The following RGS6 variants were observed in gnomAD, a reference collection of about 807,000 sequenced individuals.
The protein encoded by RGS6 is regulator of G protein signaling 6.
Under a neutral mutation model 78.5 loss-of-function variants are expected in RGS6, and 30 were observed. The ratio of observed to expected loss-of-function variants is 0.38; its 90% CI spans 0.29 to 0.52. The LOEUF is 0.52. Ranked by LOEUF, RGS6 falls within the 20% of genes least tolerant of loss-of-function variation. The probability of loss-of-function intolerance (pLI) is 0.85; values close to 1 mark genes in which losing one functional copy is unlikely to be tolerated. For synonymous variants in RGS6, 206 were observed against 206.0 expected (o/e 1.00, Z 0.00); for missense variants, 495 against 609.7 (o/e 0.81, Z 1.98).
intron 2 of RGS6, among the ~76,000 whole-genome samples, chr14:72,236,834 C>T (rs10450927): frequency 0.028 from 4,207 of 152,006 alleles, 104 homozygotes; most frequent in African/African-American, 0.059. Context: ...TTCCCACACG[C>T]GGTGGCAGCT....
chr14:72,010,347 A>G (rs144539153), intron 2 of RGS6, among the ~76,000 whole-genome samples: 1,556 of 152,322 alleles, frequency 0.01, 12 homozygotes, highest in African/African-American at 0.033. Flanking sequence ...AGCTTCTGCA[A>G]ACTGTCTTGA....
chr14:72,421,189 C>G (rs17115503), intron 3 of RGS6: 12,815 of 151,182 alleles, frequency 0.085, 858 homozygotes, highest in African/African-American at 0.19. Flanking sequence ...TGGATTGGTT[C>G]GAATAATTTT....
intron 3 of RGS6, among the ~76,000 whole-genome samples, chr14:72,409,110 T>C (rs564763284): frequency 6.6e-5 from 10 of 152,212 alleles, no homozygotes; most frequent in Non-Finnish European, 1.5e-4. Context: ...GAGGGGTCCC[T>C]CTTGTTCAGA....
intron 2 of RGS6, among the ~76,000 whole-genome samples, chr14:72,045,150 T>G (rs1421635481): frequency 6.6e-6 from 1 of 152,220 alleles, no homozygotes; most frequent in Non-Finnish European, 1.5e-5. Context: ...CTCTTGTCTA[T>G]CTATTTATCC....
chr14:72,355,805 G>C (rs899484244), intron 3 of RGS6, among the ~76,000 whole-genome samples: 1 of 152,186 alleles, frequency 6.6e-6, no homozygotes, highest in Non-Finnish European at 1.5e-5. Context: ...ATGAGGGATT[G>C]AATCATATGG....
chr14:71,927,899 C>T (rs1451406109), upstream of RGS6, among the ~76,000 whole-genome samples: 1 of 152,034 alleles, frequency 6.6e-6, no homozygotes. Context: ...ACCTCGTGAT[C>T]CGCCCGTCTC....
chr14:72,402,701 C>T (rs2092548770), intron 3 of RGS6, among the ~76,000 whole-genome samples: 1 of 151,522 alleles, frequency 6.6e-6, no homozygotes. Context: ...GGCGGTTCCT[C>T]CAAAAAACTA....
chr14:72,426,986 G>A (rs2094457437), intron 3 of RGS6, among the ~76,000 whole-genome samples: 1 of 152,208 alleles, frequency 6.6e-6, no homozygotes, highest in Non-Finnish European at 1.5e-5. Context: ...CTGCTGTGAG[G>A]AAGCCCAAGC....
chr14:71,904,198 C>T, the RGS6 span, among the ~76,000 whole-genome samples: 2 of 152,150 alleles, frequency 1.3e-5, no homozygotes, highest in Non-Finnish European at 2.9e-5. Context: ...AAAACATCTC[C>T]CCTTCCCCAC....
chr14:72,140,717 CTG>C (rs1274031559), intron 2 of RGS6, among the ~76,000 whole-genome samples: 1 of 152,230 alleles, frequency 6.6e-6, no homozygotes, highest in African/African-American at 2.4e-5. Flanking sequence ...TGAGATCACA[CTG>C]TGTTTGCCCC....
rs75415068 is a variant in RGS6, at chr14:72,326,153, C to G, written c.85-25942C>G. 2.6e-3 allele frequency among the ~76,000 whole-genome samples: 400 copies of G among 152,148 alleles called. 2 individuals carry two copies. The highest frequency in any genetic ancestry group is 9.3e-3 in the African/African-American group (385 of 41,508). ...TGTGAGAACCAAAGATTACAAACCACCAAATGCTGGCCAATATACATTCAT... is the reference window on the plus strand; with the variant it reads ...TGTGAGAACCAAAGATTACAAACCAGCAAATGCTGGCCAATATACATTCAT... On this transcript the variant is annotated intron_variant, in intron 2 of 17. Coordinates refer to ENST00000553525, the MANE Select transcript of RGS6 (RefSeq NM_001204424.2).
intron 2 of RGS6, among the ~76,000 whole-genome samples, chr14:72,179,937 C>G (rs1001318417): frequency 1.3e-5 from 2 of 152,154 alleles, no homozygotes; most frequent in Admixed American, 6.5e-5. Context: ...GTTTAAGGAT[C>G]ACAACAAATC....
chr14:71,875,440 T>C, the RGS6 span, among the ~76,000 whole-genome samples: 1 of 152,214 alleles, frequency 6.6e-6, no homozygotes, highest in Non-Finnish European at 1.5e-5. Flanking sequence ...ATAGAGGTGT[T>C]TATAGTATTC....
chr14:72,163,374 G>T (rs1024290246), intron 2 of RGS6, among the ~76,000 whole-genome samples: 11 of 152,204 alleles, frequency 7.2e-5, no homozygotes, highest in African/African-American at 2.7e-4. Flanking sequence ...ATAATTCAGT[G>T]GGACCAACAA....
intron 2 of RGS6, among the ~76,000 whole-genome samples, chr14:72,151,347 A>C (rs1264592982): frequency 1.3e-5 from 2 of 152,234 alleles, no homozygotes; most frequent in South Asian, 4.1e-4. Context: ...TGCGCATGTA[A>C]TTACTTTCTC....
chr14:72,244,543 G>A (rs1197427387), intron 2 of RGS6, among the ~76,000 whole-genome samples: 1 of 152,184 alleles, frequency 6.6e-6, no homozygotes, highest in Non-Finnish European at 1.5e-5. Context: ...GTTATTCCAA[G>A]GACAGTTGTT....
At chr14:71,903,066 G>A in the RGS6 span, among the ~76,000 whole-genome samples, 1 of 152,212 alleles carries the variant, frequency 6.6e-6, no homozygotes, top group Non-Finnish European at 1.5e-5. Flanking sequence ...CTTAGGTATG[G>A]CAGGGTTAAG....
At position 72,451,498 on chromosome 14, in the gene RGS6, GT is replaced by G. The variant is rs1464954622; in HGVS notation, c.185-3028del. Among the ~76,000 whole-genome samples the G allele has an allele frequency of 2.0e-5, 3 of 152,244 alleles. No homozygotes were observed. In the East Asian group the frequency reaches 5.8e-4, roughly 29 times the overall value. Reference sequence around the variant, plus strand: ...CGGTGCTGAGCCGGGGGTTGGGGTGGTTGGGGGGAGCGGATATGATAGCAAG... The same window carrying G: ...CGGTGCTGAGCCGGGGGTTGGGGTGGTGGGGGGAGCGGATATGATAGCAAG... On this transcript the variant is annotated intron_variant, in intron 3 of 17. Coordinates refer to ENST00000553525, the MANE Select transcript of RGS6 (RefSeq NM_001204424.2).
chr14:72,091,348 G>A (rs2153501793), intron 2 of RGS6, among the ~76,000 whole-genome samples: 1 of 152,320 alleles, frequency 6.6e-6, no homozygotes, highest in South Asian at 2.1e-4. Flanking sequence ...TTCCTCACGT[G>A]AAGAGAGCAT....
Sources: allele counts gnomAD v4.1 joint callset (sites outside exome capture counted in the v4.1 genomes callset), GRCh38; gene constraint gnomAD v4.1.1; transcripts MANE v1.5; gene names NCBI Gene and HGNC (gene_info 2026-07-23, HGNC 2026-07-21).